EPHA7: variants seen among roughly 807,000 people sequenced by gnomAD.
The protein encoded by EPHA7 is ephrin type-A receptor 7.
Under a neutral mutation model 112.6 loss-of-function variants are expected in EPHA7, and 25 were observed. The ratio of observed to expected loss-of-function variants is 0.22; its 90% CI spans 0.16 to 0.31. The LOEUF (loss-of-function observed/expected upper bound fraction) is 0.31, where lower values mean the gene tolerates loss of function less well. Ranked by LOEUF, EPHA7 falls within the 10% of genes least tolerant of loss-of-function variation. EPHA7 has a pLI of 1.00. For missense variants in EPHA7, 962 were observed against 1,212.6 expected, an observed-to-expected ratio of 0.79 and a Z score of 3.07; for synonymous variants, 437 against 406.5, an observed-to-expected ratio of 1.07 and a Z score of -0.90.
intron 3 of EPHA7, among the ~76,000 whole-genome samples, chr6:93,369,595 T>G (rs1309763354): frequency 6.6e-6 from 1 of 152,182 alleles, no homozygotes; most frequent in Non-Finnish European, 1.5e-5. Flanking sequence ...TTAAGGCTAC[T>G]TAGGAGAACA....
intron 3 of EPHA7, among the ~76,000 whole-genome samples, chr6:93,363,431 A>G (rs1254060391): frequency 1.3e-5 from 2 of 152,206 alleles, no homozygotes; most frequent in Non-Finnish European, 2.9e-5. Flanking sequence ...TTTACAAATG[A>G]GTAATAAACA....
In EPHA7 at chr6:93,419,432, G is replaced by A; in HGVS notation, c.-91C>T. On this transcript the variant is annotated 5_prime_UTR_variant, in exon 1 of 17. The change creates a premature stop within an existing upstream ORF in the 5' untranslated region. Transcript: ENST00000369303. ...GTTCCGAAGTAGCTTTTGTTTTATT[G>A]TGCTCCTTGCATCGATTCCCCTTCT... 5.7e-6 allele frequency: 6 copies of A among 1,050,442 alleles called. No individual in the cohort carries two copies. The highest frequency in any genetic ancestry group is 8.5e-6 in the Non-Finnish European group (6 of 704,054). 65.1% of individuals were successfully genotyped at this position (1,050,442 alleles called of 1,614,324 possible). A position where few individuals can be genotyped will look rare whatever the true frequency, so the allele number is the denominator to read the frequency against.
intron 5 of EPHA7, among the ~76,000 whole-genome samples, chr6:93,340,127 C>A (rs1775070485): frequency 6.6e-6 from 1 of 151,638 alleles, no homozygotes; most frequent in South Asian, 2.1e-4. Flanking sequence ...ACTATATAAA[C>A]AAAACAATTT....
chr6:93,406,442 C>A (rs2127992054), intron 3 of EPHA7, among the ~76,000 whole-genome samples: 1 of 151,788 alleles, frequency 6.6e-6, no homozygotes, highest in South Asian at 2.1e-4. Context: ...AATAAAGTTT[C>A]ATTAGTTTTT....
At chr6:93,248,672 A>AAAACAAACAAACAAAC (rs67661858) in intron 14 of EPHA7, among the ~76,000 whole-genome samples, 6 of 150,380 alleles carry the variant, frequency 4.0e-5, no homozygotes, top group East Asian at 2.0e-4. Flanking sequence ...TCTCTTTTTA[A>AAAACAAACAAACAAAC]AAACAAACAA....
intron 13 of EPHA7, among the ~76,000 whole-genome samples, chr6:93,255,379 A>T (rs1770396344): frequency 6.6e-6 from 1 of 152,100 alleles, no homozygotes; most frequent in Non-Finnish European, 1.5e-5. Context: ...CAGCCACAAC[A>T]AAGACAAACT....
rs551451280 is a variant in EPHA7 at position 93,335,622 on chromosome 6, A to T, written c.1324+21095T>A. Among the ~76,000 whole-genome samples, 3 of 152,226 alleles carry T rather than the reference A, an allele frequency of 2.0e-5. No homozygotes were observed. The East Asian group carries it at 5.8e-4, about 29-fold the overall frequency. ...AAAAGGAATAACCTGTTAGACCCAT[A>T]ACTTAACCAGTAATAATCATCCACA... On this transcript the variant is annotated intron_variant, in intron 5 of 16. Transcript: ENST00000369303.
chr6:93,252,965 T>C (rs1770279709), intron 14 of EPHA7, among the ~76,000 whole-genome samples: 2 of 152,162 alleles, frequency 1.3e-5, no homozygotes, highest in African/African-American at 4.8e-5. Context: ...CTTAACACAT[T>C]TTAAAATTTA....
intron 3 of EPHA7, among the ~76,000 whole-genome samples, chr6:93,401,075 G>C (rs567248739): frequency 2.6e-4 from 40 of 152,088 alleles, no homozygotes; most frequent in Admixed American, 2.2e-3. Flanking sequence ...CACAGGCCAG[G>C]GGTTAAACTA....
intron 3 of EPHA7, among the ~76,000 whole-genome samples, chr6:93,379,117 A>C (rs1051895574): frequency 2.0e-5 from 3 of 152,156 alleles, no homozygotes; most frequent in Admixed American, 2.0e-4. Flanking sequence ...TACTCAAGTA[A>C]AAATTATGTT....
At chr6:93,332,414 A>C (rs1774640877) in intron 5 of EPHA7, among the ~76,000 whole-genome samples, 1 of 151,752 alleles carries the variant, frequency 6.6e-6, no homozygotes, top group Non-Finnish European at 1.5e-5. Context: ...TCTACAGAAC[A>C]TGAGCTTTGT....
intron 5 of EPHA7, among the ~76,000 whole-genome samples, chr6:93,276,062 A>T (rs573515501): frequency 8.5e-4 from 129 of 152,188 alleles, no homozygotes; most frequent in African/African-American, 3.0e-3. Flanking sequence ...CAAAGTAGGC[A>T]GAGTGACCCC....
At chr6:93,389,664 A>G (rs1777805879) in intron 3 of EPHA7, among the ~76,000 whole-genome samples, 1 of 152,056 alleles carries the variant, frequency 6.6e-6, no homozygotes, top group Non-Finnish European at 1.5e-5. Context: ...AATTAGCTAT[A>G]ATTTCAATCC....
At chr6:93,281,651 C>T (rs1467520109) in intron 5 of EPHA7, among the ~76,000 whole-genome samples, 1 of 152,108 alleles carries the variant, frequency 6.6e-6, no homozygotes, top group Non-Finnish European at 1.5e-5. Flanking sequence ...GTAACATTTT[C>T]AGTTGTGCAC....
At chr6:93,263,822 T>C (rs746373910) in intron 9 of EPHA7, 38 bp downstream of exon 9, 2 of 1,558,506 alleles carry the variant, frequency 1.3e-6, no homozygotes, top group South Asian at 1.1e-5. Flanking sequence ...TTTCTGTTAA[T>C]AGGGGTACAT....
At chr6:93,325,010 C>T (rs1050825991) in intron 5 of EPHA7, among the ~76,000 whole-genome samples, 4 of 151,130 alleles carry the variant, frequency 2.6e-5, no homozygotes, top group Admixed American at 6.6e-5. Flanking sequence ...AGTGAACCTA[C>T]CTTTTCTAAA....
At chr6:93,321,800 A>G (rs1309020474) in intron 5 of EPHA7, among the ~76,000 whole-genome samples, 1 of 151,902 alleles carries the variant, frequency 6.6e-6, no homozygotes, top group Non-Finnish European at 1.5e-5. Flanking sequence ...CTAACTGGTC[A>G]GTTACTCAGG....
chr6:93,328,817 A>G, intron 5 of EPHA7, among the ~76,000 whole-genome samples: 1 of 151,424 alleles, frequency 6.6e-6, no homozygotes, highest in East Asian at 1.9e-4. Context: ...AGAAAATGGC[A>G]TGGTCTCCTT....
intron 3 of EPHA7, among the ~76,000 whole-genome samples, chr6:93,374,622 G>A (rs1291339024): frequency 1.2e-4 from 19 of 152,238 alleles, no homozygotes; most frequent in Admixed American, 1.0e-3. Flanking sequence ...GAATGCATAT[G>A]GATGGTTAAG....
Sources: allele counts gnomAD v4.1 joint callset (sites outside exome capture counted in the v4.1 genomes callset), GRCh38; gene constraint gnomAD v4.1.1; transcripts MANE v1.5; gene names NCBI Gene and HGNC (gene_info 2026-07-23, HGNC 2026-07-21).